PIK3R4: variants seen among roughly 807,000 people sequenced by gnomAD.
PIK3R4 encodes phosphoinositide 3-kinase regulatory subunit 4.
PIK3R4 carries 46 observed loss-of-function variants against 136.5 expected under a neutral mutation model. The ratio of observed to expected loss-of-function variants is 0.34; its 90% CI spans 0.27 to 0.43. The LOEUF is 0.43. Among genes scored for constraint, PIK3R4 ranks in the 20% least tolerant of loss-of-function variants. PIK3R4 has a pLI of 1.00. For missense variants in PIK3R4, 1,331 were observed against 1,649.5 expected (o/e 0.81, Z 3.35); for synonymous variants, 557 against 566.7 (o/e 0.98, Z 0.24).
chr3:130,704,581 A>G (rs1272974566), intron 12 of PIK3R4, among the ~76,000 whole-genome samples: 1 of 152,198 alleles, frequency 6.6e-6, no homozygotes, highest in Non-Finnish European at 1.5e-5. Context: ...TTCAATTTTT[A>G]TCATTAAAAT....
At chr3:130,681,364 T>C in intron 17 of PIK3R4, 127 bp downstream of exon 17, 2 of 684,624 alleles carry the variant, frequency 2.9e-6, no homozygotes, top group Admixed American at 4.9e-5. Flanking sequence ...TGATACTTGA[T>C]GTTATTAAAA....
intron 19 of PIK3R4, among the ~76,000 whole-genome samples, chr3:130,679,867 G>A (rs371174230): frequency 2.0e-5 from 3 of 152,064 alleles, no homozygotes; most frequent in East Asian, 3.9e-4. Flanking sequence ...CACAAGGTCA[G>A]GAGATCAAGA....
chr3:130,732,827 C>T (rs986330951), intron 4 of PIK3R4, among the ~76,000 whole-genome samples: 4 of 150,694 alleles, frequency 2.7e-5, no homozygotes, highest in East Asian at 1.9e-4. Flanking sequence ...TTACCACACA[C>T]GTACTATTTA....
At chr3:130,730,943 CAA>C (rs2066757258) in intron 4 of PIK3R4, among the ~76,000 whole-genome samples, 1 of 152,194 alleles carries the variant, frequency 6.6e-6, no homozygotes, top group South Asian at 2.1e-4. Context: ...ACAACTGCCT[CAA>C]AGAGAAACCA....
At chr3:130,742,410 A>G (rs1180390137) in intron 2 of PIK3R4, among the ~76,000 whole-genome samples, 1 of 152,248 alleles carries the variant, frequency 6.6e-6, no homozygotes, top group East Asian at 1.9e-4. Flanking sequence ...AAGTGACGCA[A>G]TTCCTAAGCT....
rs757205337 is a variant in PIK3R4, at chr3:130,745,118, C to T, written c.101G>A (p.Ser34Asn). The change falls in exon 2 of 20, where the codon AGT (serine) becomes AAT (asparagine). Residue 34 changes from serine (S) to asparagine (N), a missense_variant. Around this residue, in one of 2 missense-constraint regions of PIK3R4, gnomAD observed 151 missense variants for 242.5 expected, o/e 0.62. Coordinates refer to ENST00000356763, the MANE Select transcript of PIK3R4 (RefSeq NM_014602.3). Reference sequence around the variant, plus strand: ...TCGAGCAACTTTAAAAAACCGAGTACTCCCCAGGCTTTTATCATATTCAAA... The same window carrying T: ...TCGAGCAACTTTAAAAAACCGAGTATTCCCCAGGCTTTTATCATATTCAAA... ...HDFEYDKSLG[S>N]TRFFKVARAK... 1 of 1,613,820 alleles carries T rather than the reference C, an allele frequency of 6.2e-7. No homozygotes were observed. Among genetic ancestry groups the T allele is most frequent in the South Asian group, 1.1e-5 (1 of 91,058 alleles).
chr3:130,696,621 C>T (rs1463760814), intron 13 of PIK3R4, among the ~76,000 whole-genome samples: 3 of 152,138 alleles, frequency 2.0e-5, no homozygotes, highest in African/African-American at 7.2e-5. Context: ...ACTTCATATG[C>T]TTTCAATCCT....
intron 15 of PIK3R4, among the ~76,000 whole-genome samples, chr3:130,684,982 T>C (rs1453053021): frequency 6.6e-6 from 1 of 152,104 alleles, no homozygotes; most frequent in Non-Finnish European, 1.5e-5. Flanking sequence ...CACTTAACAG[T>C]GTAACAAATA....
intron 15 of PIK3R4, 101 bp from the exon 16 acceptor site, chr3:130,684,482 T>G (rs1166127089): frequency 9.1e-7 from 1 of 1,092,904 alleles, no homozygotes; most frequent in Non-Finnish European, 1.3e-6. Context: ...ATGAATTTAT[T>G]TGAAAAATGC....
At position 130,716,562 on chromosome 3, in the gene PIK3R4, T is replaced by C. The variant is rs1328091378; in HGVS notation, c.2165A>G (p.Glu722Gly). Residue 722 changes from glutamate (E) to glycine (G), a missense_variant, in exon 9 of 20, where the codon GAA (glutamate) becomes GGA (glycine). Coordinates refer to ENST00000356763, the MANE Select transcript of PIK3R4 (RefSeq NM_014602.3). The part of the protein sequence containing the change: ...RKLVLLSVLK[E>G]PVSRSIFDYA... ...ATCAAATATAGAACGACTTACTGGT[T>C]CCTTTAAAACACTGAGCAGAACAAG... 1.2e-6 allele frequency: 2 copies of C among 1,613,848 alleles called. No homozygotes were observed. Among genetic ancestry groups the C allele is most frequent in the Non-Finnish European group, 1.7e-6 (2 of 1,179,874 alleles).
At chr3:130,722,561 CTAAT>C (rs1298427379) in intron 7 of PIK3R4, among the ~76,000 whole-genome samples, 1 of 152,006 alleles carries the variant, frequency 6.6e-6, no homozygotes, top group Non-Finnish European at 1.5e-5. Context: ...TTTGAAATAA[CTAAT>C]TAGGCCACAG....
At chr3:130,713,607 A>C (rs908152330) in intron 9 of PIK3R4, among the ~76,000 whole-genome samples, 2 of 152,192 alleles carry the variant, frequency 1.3e-5, no homozygotes, top group African/African-American at 4.8e-5. Flanking sequence ...AGAAGAGATG[A>C]GGGGCTAGGG....
intron 7 of PIK3R4, among the ~76,000 whole-genome samples, chr3:130,719,490 C>G (rs150893956): frequency 6.6e-6 from 1 of 152,236 alleles, no homozygotes; most frequent in Non-Finnish European, 1.5e-5. Context: ...CTCCCAAGGT[C>G]TCGCATTTCT....
chr3:130,719,663 C>G (rs866222563), intron 7 of PIK3R4, among the ~76,000 whole-genome samples: 1 of 152,192 alleles, frequency 6.6e-6, no homozygotes, highest in African/African-American at 2.4e-5. Flanking sequence ...AAACCCATAA[C>G]GGTTTGACAG....
intron 16 of PIK3R4, among the ~76,000 whole-genome samples, chr3:130,682,951 T>TAA (rs2066468032): frequency 6.6e-6 from 1 of 152,078 alleles, no homozygotes; most frequent in African/African-American, 2.4e-5. Context: ...AAGCAGGCTG[T>TAA]GAAGAAGATA....
rs965092508 is a variant in PIK3R4 at position 130,686,361 on chromosome 3, G to C, written c.3325C>G (p.Gln1109Glu). Reference protein sequence around the residue: ...VDMHHFNSGAQSVLAYATVNG... With the variant: ...VDMHHFNSGAESVLAYATVNG... ...ACAGTGGCATAGGCAAGAACAGACT[G>C]TGCTCCAGAGTTGAAGTGATGCATA... Residue 1109 changes from glutamine (Q) to glutamate (E), a missense_variant, in exon 15 of 20, where the codon CAG becomes GAG. This residue lies in a region of PIK3R4 where 1,180 missense variants were observed against 1,407.0 expected (regional missense o/e 0.84). Transcript: ENST00000356763. The C allele has an allele frequency of 1.2e-6, 2 of 1,613,244 alleles. No individual in the cohort carries two copies. Among genetic ancestry groups the C allele is most frequent in the Middle Eastern group, 1.7e-4 (1 of 6,060 alleles).
At chr3:130,739,355 C>T (rs909599936) in intron 2 of PIK3R4, among the ~76,000 whole-genome samples, 2 of 151,814 alleles carry the variant, frequency 1.3e-5, no homozygotes, top group African/African-American at 4.8e-5. Context: ...GGATTACAGG[C>T]GTGAGCGACC....
At chr3:130,727,971 A>G (rs1396713606) in intron 6 of PIK3R4, among the ~76,000 whole-genome samples, 2 of 133,804 alleles carry the variant, frequency 1.5e-5, no homozygotes. Context: ...AATTTTCACA[A>G]ATTTTCAGTT....
intron 6 of PIK3R4, among the ~76,000 whole-genome samples, chr3:130,725,542 T>C (rs1426513999): frequency 6.6e-6 from 1 of 151,386 alleles, no homozygotes; most frequent in African/African-American, 2.4e-5. Flanking sequence ...AACAGATTAT[T>C]AATCTAATTC....
Sources: gnomAD v4.1 joint callset for allele counts (sites outside exome capture counted in the v4.1 genomes callset) on GRCh38, gnomAD v4.1.1 for gene constraint, gnomAD v4.1.1 regional missense constraint, MANE v1.5 for transcripts, NCBI Gene and HGNC (gene_info 2026-07-23, HGNC 2026-07-21) for gene names.